Variants in BMAL2 observed in about 807,000 individuals in gnomAD.
The protein encoded by BMAL2 is basic helix-loop-helix ARNT-like protein 2.
At chr12:27,402,668 T>A in the BMAL2 span, 1 of 1,611,676 alleles carries the variant, frequency 6.2e-7, no homozygotes, top group African/African-American at 1.3e-5. Flanking sequence ...TAGCTCTCAA[T>A]CATCAGAAGG....
chr12:27,380,187 CG>C, the BMAL2 span: 3 of 1,544,946 alleles, frequency 1.9e-6, no homozygotes, highest in Admixed American at 1.7e-5. Flanking sequence ...GTGAGCAACA[CG>C]GGGGTGACTG....
At chr12:27,333,401 AGGGAGCCAGCG>A in the BMAL2 span, among the ~76,000 whole-genome samples, 1 of 152,146 alleles carries the variant, frequency 6.6e-6, no homozygotes, top group Non-Finnish European at 1.5e-5. Context: ...CATTGGCGAA[AGGGAGCCAGCG>A]GGGGACCTTG....
the BMAL2 span, among the ~76,000 whole-genome samples, chr12:27,374,205 T>C: frequency 6.6e-6 from 1 of 152,012 alleles, no homozygotes; most frequent in East Asian, 1.9e-4. Context: ...AATGTATATA[T>C]ACATACATAT....
At chr12:27,336,146 G>A in the BMAL2 span, among the ~76,000 whole-genome samples, 2 of 152,090 alleles carry the variant, frequency 1.3e-5, no homozygotes, top group African/African-American at 2.4e-5. Context: ...TGAGTTACTC[G>A]GGTGCTTGGG....
the BMAL2 span, among the ~76,000 whole-genome samples, chr12:27,371,704 T>C: frequency 7.5e-6 from 1 of 133,926 alleles, no homozygotes; most frequent in South Asian, 2.6e-4. Flanking sequence ...TTTTTTATTA[T>C]GGTAAATACA....
the BMAL2 span, among the ~76,000 whole-genome samples, chr12:27,350,413 G>A: frequency 6.6e-6 from 1 of 152,164 alleles, no homozygotes; most frequent in Non-Finnish European, 1.5e-5. Flanking sequence ...CACAGTACAG[G>A]ACAAGGGTCA....
the BMAL2 span, among the ~76,000 whole-genome samples, chr12:27,388,392 T>G: frequency 6.6e-6 from 1 of 152,212 alleles, no homozygotes; most frequent in Admixed American, 6.5e-5. Flanking sequence ...TTCAGCCTGC[T>G]TATATCGGCT....
At chr12:27,419,720 A>G in the BMAL2 span, among the ~76,000 whole-genome samples, 7 of 152,236 alleles carry the variant, frequency 4.6e-5, no homozygotes, top group Non-Finnish European at 1.0e-4. Flanking sequence ...AAACACACAT[A>G]GAGCCATATA....
chr12:27,383,076 A>T, the BMAL2 span, among the ~76,000 whole-genome samples: 1 of 152,214 alleles, frequency 6.6e-6, no homozygotes. Context: ...CAATCTGATT[A>T]CCAGGCGGGG....
the BMAL2 span, chr12:27,420,331 A>C: frequency 6.3e-7 from 1 of 1,579,372 alleles, no homozygotes; most frequent in Non-Finnish European, 8.6e-7. Context: ...TTAACCTCAA[A>C]ATGTGTGAAA....
At chr12:27,381,710 C>T in the BMAL2 span, among the ~76,000 whole-genome samples, 1 of 152,088 alleles carries the variant, frequency 6.6e-6, no homozygotes, top group Non-Finnish European at 1.5e-5. Flanking sequence ...TGGGAATAGC[C>T]CCAGTCCAAC....
chr12:27,403,761 T>A, the BMAL2 span, among the ~76,000 whole-genome samples: 1 of 152,190 alleles, frequency 6.6e-6, no homozygotes, highest in Admixed American at 6.5e-5. Context: ...TATAAAAAGA[T>A]AACTCATATA....
At chr12:27,388,656 G>C in the BMAL2 span, among the ~76,000 whole-genome samples, 1 of 152,082 alleles carries the variant, frequency 6.6e-6, no homozygotes, top group South Asian at 2.1e-4. Flanking sequence ...TCTGAGGGGT[G>C]GGACTGTATC....
chr12:27,365,578 T>G, the BMAL2 span, among the ~76,000 whole-genome samples: 2 of 151,952 alleles, frequency 1.3e-5, no homozygotes, highest in African/African-American at 4.8e-5. Flanking sequence ...ATTCAGGTTT[T>G]TATTTATTTT....
the BMAL2 span, among the ~76,000 whole-genome samples, chr12:27,394,840 A>C: frequency 3.3e-5 from 5 of 152,200 alleles, no homozygotes; most frequent in Non-Finnish European, 7.3e-5. Flanking sequence ...AAGGAGAGGC[A>C]CCAGAGAGCT....
chr12:27,401,967 C>A, the BMAL2 span, among the ~76,000 whole-genome samples: 1 of 152,190 alleles, frequency 6.6e-6, no homozygotes, highest in Non-Finnish European at 1.5e-5. Flanking sequence ...GTAAACAATG[C>A]AGACGTGGAT....
At chr12:27,352,227 T>G in the BMAL2 span, among the ~76,000 whole-genome samples, 1 of 152,222 alleles carries the variant, frequency 6.6e-6, no homozygotes, top group African/African-American at 2.4e-5. Flanking sequence ...TCAGATTGCC[T>G]TCTGGGAACA....
chr12:27,401,762 C>A, the BMAL2 span: 1 of 928,722 alleles, frequency 1.1e-6, no homozygotes. Context: ...ACCATTAAAA[C>A]TGTGTGATCC....
chr12:27,347,535 A>T, the BMAL2 span, among the ~76,000 whole-genome samples: 2 of 152,096 alleles, frequency 1.3e-5, no homozygotes, highest in African/African-American at 4.8e-5. Flanking sequence ...TTACTAATTG[A>T]TCTGCAGGAC....
Sources: allele counts gnomAD v4.1 joint callset (sites outside exome capture counted in the v4.1 genomes callset), GRCh38; gene constraint gnomAD v4.1.1; transcripts MANE v1.5; gene names NCBI Gene and HGNC (gene_info 2026-07-23, HGNC 2026-07-21).